The following DNER variants were observed in gnomAD, a reference collection of about 807,000 sequenced individuals.
DNER encodes delta/notch like EGF repeat containing, also known as delta and Notch-like epidermal growth factor-related receptor.
In DNER, 33 loss-of-function variants were observed where a neutral mutation model predicts 78.2. The observed-to-expected ratio is 0.42, with a 90% CI of 0.32 to 0.56. DNER has a LOEUF of 0.56. DNER is among the 20% of genes least tolerant of loss of function. The pLI is 0.11. For missense variants in DNER, 918 were observed against 975.3 expected (o/e 0.94, Z 0.78); for synonymous variants, 417 against 384.8 (o/e 1.08, Z -0.98).
At chr2:229,629,843 C>T (rs1348653662) in intron 1 of DNER, among the ~76,000 whole-genome samples, 1 of 152,144 alleles carries the variant, frequency 6.6e-6, no homozygotes, top group East Asian at 1.9e-4. Flanking sequence ...TTTAAAACAA[C>T]ATTTATTGTG....
At chr2:229,518,294 G>GT (rs1696021070) in intron 5 of DNER, among the ~76,000 whole-genome samples, 1 of 152,316 alleles carries the variant, frequency 6.6e-6, no homozygotes, top group African/African-American at 2.4e-5. Flanking sequence ...TTCAACACAC[G>GT]TTTTTTGAAC....
At chr2:229,485,760 T>G (rs1418484586) in intron 6 of DNER, among the ~76,000 whole-genome samples, 1 of 152,142 alleles carries the variant, frequency 6.6e-6, no homozygotes, top group Non-Finnish European at 1.5e-5. Flanking sequence ...AACATTCTCC[T>G]TCCCTGCACA....
chr2:229,638,557 A>G (rs1484101810), intron 1 of DNER, among the ~76,000 whole-genome samples: 1 of 152,202 alleles, frequency 6.6e-6, no homozygotes, highest in Non-Finnish European at 1.5e-5. Flanking sequence ...ACATTTTGAC[A>G]TGCAGTGTGC....
intron 1 of DNER, among the ~76,000 whole-genome samples, chr2:229,699,140 T>C (rs1699705826): frequency 6.6e-6 from 1 of 152,184 alleles, no homozygotes; most frequent in African/African-American, 2.4e-5. Context: ...TATCCAATAA[T>C]GCCATTAAAA....
At chr2:229,516,795 AAAAAAAAAAGAAAAG>A in intron 5 of DNER, among the ~76,000 whole-genome samples, 1 of 147,830 alleles carries the variant, frequency 6.8e-6, no homozygotes, top group South Asian at 2.2e-4. Flanking sequence ...TAAAAAAAAA[AAAAAAAAAAGAAAAG>A]AAAAGAAAAG....
chr2:229,599,349 G>A (rs564346628), intron 1 of DNER, among the ~76,000 whole-genome samples: 8 of 152,316 alleles, frequency 5.3e-5, no homozygotes, highest in Admixed American at 6.5e-5. Flanking sequence ...TAAAGGAAGA[G>A]GGAGTGTCTT....
chr2:229,429,307 C>T (rs994302877), intron 8 of DNER, among the ~76,000 whole-genome samples: 1 of 152,206 alleles, frequency 6.6e-6, no homozygotes, highest in Middle Eastern at 3.2e-3. Flanking sequence ...ATGGGGAGCA[C>T]TGGACCATCA....
At chr2:229,391,413 CA>C (rs745534844) in intron 10 of DNER, among the ~76,000 whole-genome samples, 2 of 151,382 alleles carry the variant, frequency 1.3e-5, no homozygotes, top group African/African-American at 4.9e-5. Flanking sequence ...AATTTGAGTT[CA>C]AAAAAAACAA....
intron 1 of DNER, among the ~76,000 whole-genome samples, chr2:229,644,927 G>C (rs192436254): frequency 6.6e-6 from 1 of 152,188 alleles, no homozygotes; most frequent in African/African-American, 2.4e-5. Flanking sequence ...GGTGTTTGTT[G>C]ACACAAATAG....
Position 229,362,519 on chromosome 2 carries a change from A to T in DNER, c.2103-3868T>A, listed in dbSNP as rs139757791. ...TCTCATTAACAAACTCTGGCTTACA[A>T]ATCTCACTTACAAGTCCTGGTTTTC... On this transcript the variant is annotated intron_variant, in intron 12 of 12. Transcript: ENST00000341772. Among the ~76,000 whole-genome samples the T allele has an allele frequency of 4.6e-5, 7 of 152,292 alleles. No homozygotes were observed. The East Asian group carries it at 1.4e-3, about 29-fold the overall frequency.
At chr2:229,659,668 T>G (rs1698974109) in intron 1 of DNER, among the ~76,000 whole-genome samples, 1 of 152,164 alleles carries the variant, frequency 6.6e-6, no homozygotes, top group African/African-American at 2.4e-5. Context: ...AATTTGATGA[T>G]GTTCAAAAGC....
rs999962921 is a variant in DNER at position 229,714,352 on chromosome 2, GAGC to G, written c.69_71del (p.Leu24del). On this transcript the variant is annotated inframe_deletion, in exon 1 of 13. Transcript: ENST00000341772. ...GGGAGCTGCCTCGGGGCCCCGCTCC[GAGC>G]AGCAGCAGCAGCAGGGCCAGCGCGG... 4.0e-4 allele frequency: 497 copies of G among 1,234,354 alleles called. No individual in the cohort carries two copies. The highest frequency in any genetic ancestry group is 1.8e-3 in the South Asian group (53 of 29,088). The allele number at this position is 1,234,354 out of a possible 1,614,324, so 76.5% of individuals were successfully genotyped here.
intron 4 of DNER, among the ~76,000 whole-genome samples, chr2:229,554,283 C>T (rs75052352): frequency 0.015 from 2,259 of 152,308 alleles, 59 homozygotes; most frequent in African/African-American, 0.052. Flanking sequence ...TTCAGCCAGG[C>T]ATGGTGGCTC....
At chr2:229,442,044 G>C (rs1470974207) in intron 8 of DNER, among the ~76,000 whole-genome samples, 1 of 152,176 alleles carries the variant, frequency 6.6e-6, no homozygotes, top group Non-Finnish European at 1.5e-5. Context: ...GGGTGATCAG[G>C]ATTCCATTTG....
intron 6 of DNER, among the ~76,000 whole-genome samples, chr2:229,478,475 G>A (rs1394002044): frequency 2.0e-5 from 3 of 152,160 alleles, no homozygotes; most frequent in African/African-American, 4.8e-5. Context: ...AAGCCGTGTA[G>A]GAGATTCTAG....
In DNER at chr2:229,387,516, AAAGAAAGAAAGAAAGAAAG is replaced by A. The variant is rs1216918169; in HGVS notation, c.1855+730_1855+748del. On this transcript the variant is annotated intron_variant, in intron 11 of 12. Coordinates refer to ENST00000341772, the MANE Select transcript of DNER (RefSeq NM_139072.4). ...GAAAGAAAGAAAGAAAGAGAGAAAG[AAAGAAAGAAAGAAAGAAAG>A]AAAGAAAGAAAGAAAGAAAGAAAGA... 3.6e-3 allele frequency among the ~76,000 whole-genome samples: 335 copies of A among 93,756 alleles called. 2 individuals carry two copies. Among genetic ancestry groups the A allele is most frequent in the African/African-American group, 0.012 (296 of 23,928 alleles). 61.5% of individuals were successfully genotyped at this position (93,756 alleles called of 152,430 possible). A position where few individuals can be genotyped will look rare whatever the true frequency, so the allele number is the denominator to read the frequency against.
intron 5 of DNER, among the ~76,000 whole-genome samples, chr2:229,528,933 C>T (rs982780366): frequency 6.6e-6 from 1 of 152,180 alleles, no homozygotes; most frequent in Non-Finnish European, 1.5e-5. Context: ...GTGGGAGATG[C>T]TTCCTACCAG....
At chr2:229,418,333 T>C in intron 8 of DNER, 103 bp from the exon 9 acceptor site, 1 of 1,478,044 alleles carries the variant, frequency 6.8e-7, no homozygotes, top group Non-Finnish European at 9.1e-7. Flanking sequence ...TTAGAAAGTA[T>C]GGTATAAACA....
intron 6 of DNER, among the ~76,000 whole-genome samples, chr2:229,511,085 A>G (rs1695856587): frequency 6.6e-6 from 1 of 152,188 alleles, no homozygotes; most frequent in Non-Finnish European, 1.5e-5. Flanking sequence ...AGATAAGTAA[A>G]TGAATTTCAC....
Sources: allele counts gnomAD v4.1 joint callset (sites outside exome capture counted in the v4.1 genomes callset), GRCh38; gene constraint gnomAD v4.1.1; transcripts MANE v1.5; gene names NCBI Gene and HGNC (gene_info 2026-07-23, HGNC 2026-07-21).